RORA: variants seen among roughly 807,000 people sequenced by gnomAD.
RORA encodes the protein RAR related orphan receptor A.
Under a neutral mutation model 69.5 loss-of-function variants are expected in RORA, and 7 were observed. The observed-to-expected ratio is 0.10, with a 90% CI of 0.06 to 0.19. RORA has a LOEUF of 0.19. Ranked by LOEUF, RORA falls within the 10% of genes least tolerant of loss-of-function variation. The pLI is 1.00. For missense variants in RORA, 457 were observed against 663.0 expected, an observed-to-expected ratio of 0.69 and a Z score of 3.41; for synonymous variants, 261 against 240.8, an observed-to-expected ratio of 1.08 and a Z score of -0.78.
chr15:61,134,363 G>A (rs2079217733), intron 1 of RORA, among the ~76,000 whole-genome samples: 1 of 152,200 alleles, frequency 6.6e-6, no homozygotes, highest in African/African-American at 2.4e-5. Flanking sequence ...TCTGCAGACT[G>A]CTGCTGGGCT....
chr15:60,765,107 G>A (rs2071965737), intron 1 of RORA: 1 of 151,878 alleles, frequency 6.6e-6, no homozygotes, highest in South Asian at 2.1e-4. Flanking sequence ...AGAAGTAAGG[G>A]TGTCTTTATA....
chr15:61,135,763 T>C (rs1216793146), intron 1 of RORA, among the ~76,000 whole-genome samples: 2 of 151,984 alleles, frequency 1.3e-5, no homozygotes, highest in Non-Finnish European at 2.9e-5. Context: ...GCTAGCCCAT[T>C]GGAAAATCTA....
chr15:60,616,497 A>C (rs551750727), intron 2 of RORA, among the ~76,000 whole-genome samples: 1 of 152,324 alleles, frequency 6.6e-6, no homozygotes, highest in East Asian at 1.9e-4. Context: ...CAAAAGTTAG[A>C]AAATATTCCT....
At chr15:61,164,547 T>C (rs1268448254) in intron 1 of RORA, among the ~76,000 whole-genome samples, 1 of 152,204 alleles carries the variant, frequency 6.6e-6, no homozygotes, top group Non-Finnish European at 1.5e-5. Context: ...TGTATGCTCT[T>C]AAATACCTAC....
intron 1 of RORA, among the ~76,000 whole-genome samples, chr15:60,716,447 A>G (rs1240694718): frequency 6.6e-6 from 1 of 152,214 alleles, no homozygotes; most frequent in Non-Finnish European, 1.5e-5. Flanking sequence ...TTTGAATTTC[A>G]TCAATACCAC....
chr15:60,795,156 A>G (rs1468873985), intron 1 of RORA, among the ~76,000 whole-genome samples: 1 of 152,300 alleles, frequency 6.6e-6, no homozygotes, highest in Non-Finnish European at 1.5e-5. Context: ...GGAACCGGGA[A>G]AAAGAGTCCT....
At chr15:60,657,873 G>T (rs2070245765) in intron 2 of RORA, among the ~76,000 whole-genome samples, 1 of 152,088 alleles carries the variant, frequency 6.6e-6, no homozygotes, top group African/African-American at 2.4e-5. Context: ...TCAGGTTCTG[G>T]AATATTTCTT....
intron 1 of RORA, among the ~76,000 whole-genome samples, chr15:60,983,813 C>A (rs1178559927): frequency 1.3e-5 from 2 of 152,162 alleles, no homozygotes; most frequent in African/African-American, 4.8e-5. Flanking sequence ...CCTAAAATGT[C>A]TAAAACCGAG....
chr15:61,116,598 T>C (rs1344773622), intron 1 of RORA, among the ~76,000 whole-genome samples: 2 of 152,140 alleles, frequency 1.3e-5, no homozygotes, highest in South Asian at 2.1e-4. Flanking sequence ...CACTTTCAAA[T>C]TGGAGAGGGC....
At chr15:60,847,346 G>A (rs2073277208) in intron 1 of RORA, among the ~76,000 whole-genome samples, 1 of 151,998 alleles carries the variant, frequency 6.6e-6, no homozygotes. Flanking sequence ...AGAGTCTGTG[G>A]CTGAACCTCA....
chr15:60,992,310 T>C (rs1894405144), intron 1 of RORA, among the ~76,000 whole-genome samples: 4 of 152,220 alleles, frequency 2.6e-5, no homozygotes, highest in Admixed American at 2.6e-4. Flanking sequence ...AGCACGGAGC[T>C]ATGATGAAGT....
chr15:61,010,341 C>T (rs1325673091), intron 1 of RORA, among the ~76,000 whole-genome samples: 2 of 152,026 alleles, frequency 1.3e-5, no homozygotes, highest in South Asian at 2.1e-4. Context: ...CTGAGATGTC[C>T]CTGAAGTGCT....
At chr15:61,098,262 T>C in intron 1 of RORA, among the ~76,000 whole-genome samples, 1 of 138,866 alleles carries the variant, frequency 7.2e-6, no homozygotes, top group African/African-American at 2.7e-5. Context: ...CCTTTTTTTC[T>C]CCCTCCCTTC....
chr15:60,848,143 C>T (rs1406114274), intron 1 of RORA: 1 of 152,302 alleles, frequency 6.6e-6, no homozygotes, highest in Non-Finnish European at 1.5e-5. Flanking sequence ...TCCCCCTCAT[C>T]TGTTTTTGTC....
At chr15:61,005,778 A>C (rs1894892188) in intron 1 of RORA, among the ~76,000 whole-genome samples, 1 of 152,112 alleles carries the variant, frequency 6.6e-6, no homozygotes, top group African/African-American at 2.4e-5. Context: ...TGAAAACCTA[A>C]ACTCAGGTGT....
intron 1 of RORA, among the ~76,000 whole-genome samples, chr15:61,170,159 C>G (rs2079573020): frequency 2.0e-5 from 3 of 152,158 alleles, no homozygotes; most frequent in Admixed American, 2.0e-4. Context: ...CTGCAGTGAT[C>G]AATTACCATA....
chr15:61,016,590 C>T (rs565437146), intron 1 of RORA, among the ~76,000 whole-genome samples: 1 of 152,268 alleles, frequency 6.6e-6, no homozygotes, highest in South Asian at 2.1e-4. Flanking sequence ...GGAGTGTGTT[C>T]TACGAGCTTT....
At chr15:61,133,964 A>C (rs571167856) in intron 1 of RORA, among the ~76,000 whole-genome samples, 153 of 152,334 alleles carry the variant, frequency 1.0e-3, no homozygotes, top group Middle Eastern at 3.4e-3. Context: ...AGGAGAGGCC[A>C]AGTTTGTTTG....
At chr15:60,781,216 G>A (rs2072248394) in intron 1 of RORA, among the ~76,000 whole-genome samples, 1 of 152,186 alleles carries the variant, frequency 6.6e-6, no homozygotes, top group African/African-American at 2.4e-5. Context: ...CTCTTGTTAA[G>A]TCACTGCTGC....
Sources: gnomAD v4.1 joint callset for allele counts (sites outside exome capture counted in the v4.1 genomes callset) on GRCh38, gnomAD v4.1.1 for gene constraint, MANE v1.5 for transcripts, NCBI Gene and HGNC (gene_info 2026-07-23, HGNC 2026-07-21) for gene names.